The following AKAP7 variants were observed in gnomAD, a reference collection of about 807,000 sequenced individuals.
AKAP7 encodes the protein A-kinase anchoring protein 7, also known as A kinase (PRKA) anchor protein 7.
In AKAP7, 39 loss-of-function variants were observed where a neutral mutation model predicts 39.5. That is an observed-to-expected ratio of 0.99 (90% CI 0.76 to 1.29). The LOEUF is 1.29. AKAP7 is among the 50% of genes most tolerant of loss of function. The pLI is 0.00. For synonymous variants in AKAP7, 140 were observed against 139.1 expected (o/e 1.01, Z -0.05); for missense variants, 414 against 407.7 (o/e 1.02, Z -0.13).
At chr6:131,255,335 A>G (rs1419647824) in intron 7 of AKAP7, among the ~76,000 whole-genome samples, 6 of 152,330 alleles carry the variant, frequency 3.9e-5, no homozygotes, top group Admixed American at 6.5e-5. Context: ...TTCAGTGTCA[A>G]TCAGCCTATC....
Position 131,160,142 on chromosome 6 carries a change from A to T in AKAP7, c.235A>T (p.Lys79Ter). The change falls in exon 3 of 8, where the codon AAG becomes TAG. Residue 79 changes from lysine (K) to a stop codon, truncating the protein, a stop_gained. Coordinates refer to ENST00000431975, the MANE Select transcript of AKAP7 (RefSeq NM_016377.4). LOFTEE classifies it high-confidence loss of function. ...KSDQVKKRKK[K>*]RKDYQPNYFL... ...TGATCAAGTAAAGAAGAGGAAAAAA[A>T]AGAGAAAAGATTATCAACCCAACTA... 6.2e-7 allele frequency: 1 copy of T among 1,612,130 alleles called. No individual in the cohort carries two copies. The highest frequency in any genetic ancestry group is 1.1e-5 in the South Asian group (1 of 90,594).
chr6:131,244,347 G>T (rs142660593), intron 7 of AKAP7, among the ~76,000 whole-genome samples: 1 of 152,086 alleles, frequency 6.6e-6, no homozygotes, highest in African/African-American at 2.4e-5. Flanking sequence ...TAACTTTACC[G>T]CAAGAGCTTA....
rs547472634 is a variant in AKAP7 at position 131,143,913 on chromosome 6, C to T, written c.20-1372C>T. Among the ~76,000 whole-genome samples, 1,123 of 139,634 alleles carry T rather than the reference C, an allele frequency of 8.0e-3. 13 individuals are homozygous for T. The highest frequency in any genetic ancestry group is 0.028 in the African/African-American group (1,069 of 37,912). The allele number at this position is 139,634 out of a possible 152,430, so 91.6% of individuals were successfully genotyped here. The stretch of plus-strand genomic sequence containing the variant: ...CCTAGGCAGAGGACCCTGCGGCCTT[C>T]CGAAGTGTTTGTGTCCCTGGGTACT... On this transcript the variant is annotated intron_variant, in intron 1 of 7. Transcript: ENST00000431975.
intron 6 of AKAP7, among the ~76,000 whole-genome samples, chr6:131,204,931 AG>A (rs1437267801): frequency 1.3e-5 from 2 of 152,104 alleles, no homozygotes; most frequent in East Asian, 3.9e-4. Flanking sequence ...GACCTGCTAG[AG>A]GGTAGTCTGG....
chr6:131,178,145 G>A (rs1398716280), intron 5 of AKAP7, among the ~76,000 whole-genome samples: 1 of 152,092 alleles, frequency 6.6e-6, no homozygotes, highest in South Asian at 2.1e-4. Flanking sequence ...CAATGCTTGC[G>A]TCCTTCAGTA....
chr6:131,260,267 G>T (rs141411139), intron 7 of AKAP7, among the ~76,000 whole-genome samples: 1 of 152,102 alleles, frequency 6.6e-6, no homozygotes, highest in Non-Finnish European at 1.5e-5. Flanking sequence ...ATAAACATAC[G>T]TGTGCGTGTA....
intron 4 of AKAP7, among the ~76,000 whole-genome samples, chr6:131,166,920 A>G (rs948659671): frequency 6.6e-6 from 1 of 151,890 alleles, no homozygotes; most frequent in African/African-American, 2.4e-5. Flanking sequence ...TAGTATACTG[A>G]TCAGTGGATT....
At chr6:131,213,562 C>T (rs1808875473) in intron 6 of AKAP7, among the ~76,000 whole-genome samples, 1 of 151,978 alleles carries the variant, frequency 6.6e-6, no homozygotes, top group African/African-American at 2.4e-5. Context: ...CGAGTGACCA[C>T]AAGACTGTTC....
chr6:131,193,825 A>G (rs1354317719), intron 5 of AKAP7, among the ~76,000 whole-genome samples: 1 of 152,004 alleles, frequency 6.6e-6, no homozygotes, highest in African/African-American at 2.4e-5. Flanking sequence ...AGATTTTCCA[A>G]TTTATTGTCA....
intron 6 of AKAP7, among the ~76,000 whole-genome samples, chr6:131,203,920 T>C (rs926696356): frequency 2.6e-5 from 4 of 152,186 alleles, no homozygotes; most frequent in African/African-American, 9.7e-5. Flanking sequence ...AACCAATTCT[T>C]TGAAGTGGAA....
In AKAP7 at chr6:131,135,585, TG is replaced by T; in HGVS notation, c.-177del. ...GGGAAGCTCCGCGCTTCCGCAGGCC[TG>T]GCCTCCGCCGCCCGGGCCCCCGCAG... On this transcript the variant is annotated 5_prime_UTR_variant, in exon 1 of 8. Transcript: ENST00000431975. The T allele has an allele frequency of 2.6e-6, 1 of 381,606 alleles. No individual in the cohort carries two copies. The highest frequency in any genetic ancestry group is 3.6e-6 in the Non-Finnish European group (1 of 277,558). The allele number at this position is 381,606 out of a possible 1,614,324, so 23.6% of individuals were successfully genotyped here.
intron 3 of AKAP7, among the ~76,000 whole-genome samples, chr6:131,163,790 G>T (rs765646590): frequency 2.0e-5 from 3 of 150,416 alleles, no homozygotes; most frequent in Non-Finnish European, 3.0e-5. Context: ...ACATTTTGAT[G>T]GGGGTACAGT....
At chr6:131,184,634 G>A (rs1228573268) in intron 5 of AKAP7, 1 of 759,152 alleles carries the variant, frequency 1.3e-6, no homozygotes, top group Non-Finnish European at 2.5e-6. Context: ...ACCTCCTCAG[G>A]TTGTCCCATC....
chr6:131,282,299 T>C lies in AKAP7; in HGVS notation c.*573T>C. The C allele has an allele frequency of 7.4e-7, 1 of 1,359,356 alleles. No homozygotes were observed. Among genetic ancestry groups the C allele is most frequent in the African/African-American group, 1.5e-5 (1 of 68,496 alleles). The allele number at this position is 1,359,356 out of a possible 1,614,324, so 84.2% of individuals were successfully genotyped here. A position where few individuals can be genotyped will look rare whatever the true frequency, so the allele number is the denominator to read the frequency against. On this transcript the variant is annotated 3_prime_UTR_variant, in exon 8 of 8. Transcript: ENST00000431975. Reference sequence around the variant, plus strand: ...TTTTGGTGAAATGCAACCTTTTCTATAAAATGTGGGCAACATTTTAAAGTT... The same window carrying C: ...TTTTGGTGAAATGCAACCTTTTCTACAAAATGTGGGCAACATTTTAAAGTT...
intron 7 of AKAP7, among the ~76,000 whole-genome samples, chr6:131,261,853 G>A (rs971036647): frequency 2.0e-5 from 3 of 152,138 alleles, no homozygotes; most frequent in African/African-American, 7.2e-5. Flanking sequence ...TACACCAGTT[G>A]CTTTAACAGA....
intron 5 of AKAP7, among the ~76,000 whole-genome samples, chr6:131,180,829 GT>G (rs869088113): frequency 6.1e-5 from 5 of 82,200 alleles, no homozygotes; most frequent in South Asian, 4.7e-4. Context: ...TTTTTTGTTT[GT>G]TTTGTTTTTT....
intron 3 of AKAP7, 109 bp downstream of exon 3, chr6:131,160,307 C>T: frequency 9.0e-7 from 1 of 1,115,838 alleles, no homozygotes; most frequent in Non-Finnish European, 1.3e-6. Flanking sequence ...TATTTGGTGG[C>T]ATTTTAGCAG....
At chr6:131,155,701 C>T (rs767522222) in intron 2 of AKAP7, among the ~76,000 whole-genome samples, 1 of 152,080 alleles carries the variant, frequency 6.6e-6, no homozygotes, top group Non-Finnish European at 1.5e-5. Flanking sequence ...CTCTAGATTC[C>T]TCCAAAGGTG....
chr6:131,186,324 C>T (rs1805854302), intron 5 of AKAP7, among the ~76,000 whole-genome samples: 2 of 152,170 alleles, frequency 1.3e-5, no homozygotes, highest in African/African-American at 4.8e-5. Context: ...TGTAAGCTTC[C>T]TGAGGCCTCC....
Sources: allele counts gnomAD v4.1 joint callset (sites outside exome capture counted in the v4.1 genomes callset), GRCh38; gene constraint gnomAD v4.1.1; transcripts MANE v1.5; gene names NCBI Gene and HGNC (gene_info 2026-07-23, HGNC 2026-07-21).